Variants in CDK16 observed in about 807,000 individuals in gnomAD.
CDK16 encodes cyclin-dependent kinase 16.
CDK16 carries 2 observed loss-of-function variants against 41.6 expected under a neutral mutation model. The ratio of observed to expected loss-of-function variants is 0.05; its 90% CI spans 0.02 to 0.15. CDK16 has a LOEUF of 0.15. Among genes scored for constraint, CDK16 ranks in the 10% least tolerant of loss-of-function variants. The probability of loss-of-function intolerance (pLI) is 1.00; values close to 1 mark genes in which losing one functional copy is unlikely to be tolerated. For synonymous variants in CDK16, 169 were observed against 169.7 expected (o/e 1.00, Z 0.03); for missense variants, 228 against 428.9 (o/e 0.53, Z 4.14).
At chrX:47,227,254 A>G in intron 13 of CDK16, 31 bp downstream of exon 13, 2 of 1,171,287 alleles carry the variant, frequency 1.7e-6, no homozygotes, top group South Asian at 1.8e-5. Context: ...CCTTGGGGGT[A>G]TGGGATTCCA....
chrX:47,222,313 C>G (rs766494900), intron 1 of CDK16: 1 of 111,356 alleles, frequency 9.0e-6, no homozygotes, highest in Non-Finnish European at 1.9e-5. Flanking sequence ...AGAAATCTAC[C>G]CTGGCGGAGC....
Position 47,219,077 on chromosome X carries a change from G to T in CDK16, c.-35G>T. On this transcript the variant is annotated 5_prime_UTR_variant, in exon 1 of 16. Transcript: ENST00000357227. ...CAGGCGCCGCCGCGCCGGCCCCGCGGCTCTGAGGTTGCTCGCGCGCCCCCG... is the reference window on the plus strand; with the variant it reads ...CAGGCGCCGCCGCGCCGGCCCCGCGTCTCTGAGGTTGCTCGCGCGCCCCCG... 1 of 815,589 alleles carries T rather than the reference G, an allele frequency of 1.2e-6. No homozygotes were observed. The highest frequency in any genetic ancestry group is 1.5e-6 in the Non-Finnish European group (1 of 678,796). The allele number at this position is 815,589 out of a possible 1,213,427, so 67.2% of individuals were successfully genotyped here.
intron 2 of CDK16, 48 bp downstream of exon 2, chrX:47,223,807 C>T (rs763421284): frequency 1.3e-5 from 14 of 1,063,606 alleles, no homozygotes; most frequent in South Asian, 7.9e-5. Context: ...AGGCTGCTTC[C>T]CAGGTGTTGC....
In CDK16 at chrX:47,223,732, G is replaced by T; in HGVS notation, c.175G>T (p.Ala59Ser). The T allele has an allele frequency of 8.3e-7, 1 of 1,208,301 alleles. No homozygotes were observed. Among genetic ancestry groups the T allele is most frequent in the Admixed American group, 2.2e-5 (1 of 45,777 alleles). ...TRAAPGELRS[A>S]RGPLSSAPEI... ...TGCTGCTCCTGGGGAACTTCGTTCT[G>T]CACGGGGCCCACTCAGCTCTGCACC... is the stretch of plus-strand genomic sequence containing the variant. The change falls in exon 2 of 16, where the codon GCA (alanine) becomes TCA (serine). Residue 59 changes from alanine (A) to serine (S), a missense_variant. Physicochemically the swap from Ala to Ser is moderately conservative, Grantham distance 99. This residue lies in a region of CDK16 where 71 missense variants were observed against 102.2 expected (regional missense o/e 0.69). Coordinates refer to ENST00000357227, the MANE Select transcript of CDK16 (RefSeq NM_006201.5).
intron 1 of CDK16, among the ~76,000 whole-genome samples, chrX:47,221,370 A>G (rs1015862990): frequency 1.4e-4 from 16 of 112,017 alleles, no homozygotes; most frequent in African/African-American, 4.6e-4. Flanking sequence ...TAAATGTTCA[A>G]TTATCTCTGT....
In CDK16 at chrX:47,227,098, C is replaced by A. The variant is rs727503845; in HGVS notation, c.1240C>A (p.Arg414=). ...CGAGGCCCTTTTGAGCCACGCACCC[C>A]GGTGAGGCTGGTGGGTGGGTGGGCG... ...RAEALLSHAP[R]LDSDGADLLT... The change falls in exon 12 of 16, where the codon CGA becomes AGA. Residue 414 remains arginine, a splice_region_variant and synonymous_variant. Transcript: ENST00000357227. The A allele has an allele frequency of 8.3e-7, 1 of 1,207,724 alleles. No homozygotes were observed. Among genetic ancestry groups the A allele is most frequent in the African/African-American group, 1.7e-5 (1 of 57,166 alleles).
intron 5 of CDK16, 21 bp downstream of exon 5, chrX:47,224,911 C>T (rs763025668): frequency 8.3e-7 from 1 of 1,207,559 alleles, no homozygotes; most frequent in South Asian, 1.8e-5. Context: ...AATAGGAGGC[C>T]CATGGTGGGG....
At chrX:47,222,736 G>A in intron 1 of CDK16, 1 of 186,272 alleles carries the variant, frequency 5.4e-6, no homozygotes. Context: ...CCACATTGAG[G>A]ACTGGGGCGT....
chrX:47,227,282 AC>A (rs5902386), intron 13 of CDK16, 59 bp downstream of exon 13: 2,854 of 1,003,587 alleles, frequency 2.8e-3, no homozygotes, highest in Non-Finnish European at 3.2e-3. Flanking sequence ...GGAAACAGGG[AC>A]CCCCCCCCTC....
In CDK16 at chrX:47,218,724, C is replaced by A. The variant is rs1556796139; in HGVS notation, c.-388C>A. 3 of 1,158,208 alleles carry A rather than the reference C, an allele frequency of 2.6e-6. No homozygotes were observed. Among genetic ancestry groups the A allele is most frequent in the African/African-American group, 3.6e-5 (2 of 55,428 alleles). On this transcript the variant is annotated 5_prime_UTR_variant, in exon 1 of 16. Transcript: ENST00000357227. ...CGCCTGCGTGCGCATGCGCGGAGCG[C>A]GGCGCGCGCGGCGGTTGGGCCGTTG...
At chrX:47,222,922 T>G in intron 1 of CDK16, 1 of 498,670 alleles carries the variant, frequency 2.0e-6, no homozygotes, top group Non-Finnish European at 2.8e-6. Context: ...ACCCAGTGGT[T>G]GGGTCTGGGC....
chrX:47,223,330 G>A, intron 1 of CDK16: 1 of 1,145,479 alleles, frequency 8.7e-7, no homozygotes, highest in Non-Finnish European at 1.2e-6. Context: ...CGTAGGAGCA[G>A]GGTCCCAGTG....
intron 1 of CDK16, 165 bp from the exon 2 acceptor site, chrX:47,223,387 T>C (rs1368306445): frequency 9.4e-7 from 1 of 1,065,591 alleles, no homozygotes; most frequent in Non-Finnish European, 1.3e-6. Flanking sequence ...TCCCCATCCA[T>C]GCTGGGTTTC....
chrX:47,224,597 C>T (rs753630441), intron 3 of CDK16, 21 bp from the exon 4 acceptor site: 53 of 1,209,420 alleles, frequency 4.4e-5, no homozygotes, highest in Non-Finnish European at 5.9e-5. Context: ...GATCCTGTTT[C>T]TCTCTTGCCT....
chrX:47,228,898 C>T lies in CDK16; in HGVS notation c.*130C>T. ...GAGCCATGTTCACCTGCCCACTTGT[C>T]CCCTGCTGCCTGCCCAAACACCCCA... On this transcript the variant is annotated 3_prime_UTR_variant, in exon 16 of 16. Transcript: ENST00000357227. 1 of 679,540 alleles carries T rather than the reference C, an allele frequency of 1.5e-6. No individual in the cohort carries two copies. Among genetic ancestry groups the T allele is most frequent in the Non-Finnish European group, 2.3e-6 (1 of 436,074 alleles). 56.0% of individuals were successfully genotyped at this position (679,540 alleles called of 1,213,427 possible). A position where few individuals can be genotyped will look rare whatever the true frequency, so the allele number is the denominator to read the frequency against.
intron 5 of CDK16, 40 bp downstream of exon 5, chrX:47,224,930 C>T: frequency 8.3e-7 from 1 of 1,198,375 alleles, no homozygotes; most frequent in Non-Finnish European, 1.1e-6. Context: ...GGATGAAGGT[C>T]AGTGGGAACT....
rs1937505364 is a variant in CDK16, at chrX:47,224,727, T to C, written c.446T>C (p.Leu149Pro). ...PIFDKPLSRR[L>P]RRVSLSEIGF... ...TTTGACAAGCCCCTCAGCCGCCGCC[T>C]CCGTCGTGTCAGCCTAGTAAGCACC... The change falls in exon 4 of 16, where the codon CTC becomes CCC. Residue 149 changes from leucine to proline, a missense_variant. This residue lies in a region of CDK16 where 66 missense variants were observed against 197.2 expected (regional missense o/e 0.33). Coordinates refer to ENST00000357227, the MANE Select transcript of CDK16 (RefSeq NM_006201.5). 8.3e-7 allele frequency: 1 copy of C among 1,209,707 alleles called. No individual in the cohort carries two copies. Among genetic ancestry groups the C allele is most frequent in the Non-Finnish European group, 1.1e-6 (1 of 895,126 alleles).
chrX:47,228,454 A>C, intron 14 of CDK16, 113 bp from the exon 15 acceptor site: 1 of 567,327 alleles, frequency 1.8e-6, no homozygotes. Flanking sequence ...GATAAAGGTC[A>C]AGCCTCTCAG....
At chrX:47,226,178 G>T in intron 8 of CDK16, 101 bp from the exon 9 acceptor site, 5 of 1,150,231 alleles carry the variant, frequency 4.3e-6, no homozygotes, top group Non-Finnish European at 4.7e-6. Context: ...GTGTGACAAG[G>T]CTCTGGGCCT....
Sources: gnomAD v4.1 joint callset for allele counts (sites outside exome capture counted in the v4.1 genomes callset) on GRCh38, gnomAD v4.1.1 for gene constraint, gnomAD v4.1.1 regional missense constraint, MANE v1.5 for transcripts, NCBI Gene and HGNC (gene_info 2026-07-23, HGNC 2026-07-21) for gene names.